Variants in INPP4B observed in about 807,000 individuals in gnomAD.
INPP4B encodes inositol polyphosphate 4-phosphatase type II.
Under a neutral mutation model 122.5 loss-of-function variants are expected in INPP4B, and 55 were observed. The observed-to-expected ratio is 0.45, with a 90% CI of 0.36 to 0.56. INPP4B has a LOEUF of 0.56. Among genes scored for constraint, INPP4B ranks in the 20% least tolerant of loss-of-function variants. INPP4B has a pLI of 0.00. For missense variants in INPP4B, 1,000 were observed against 1,097.7 expected (o/e 0.91, Z 1.26); for synonymous variants, 403 against 388.7 (o/e 1.04, Z -0.43).
chr4:142,450,472 T>C (rs1294966297), intron 3 of INPP4B, among the ~76,000 whole-genome samples: 1 of 152,140 alleles, frequency 6.6e-6, no homozygotes, highest in African/African-American at 2.4e-5. Flanking sequence ...TAAAATACCA[T>C]TGACTAGAAC....
At chr4:142,601,151 A>C (rs1453031907) in intron 2 of INPP4B, among the ~76,000 whole-genome samples, 1 of 152,178 alleles carries the variant, frequency 6.6e-6, no homozygotes, top group Non-Finnish European at 1.5e-5. Flanking sequence ...AGAAGAGAAA[A>C]TAAACAAAGA....
chr4:142,669,416 C>A (rs1756658329), intron 2 of INPP4B, among the ~76,000 whole-genome samples: 1 of 152,106 alleles, frequency 6.6e-6, no homozygotes, highest in African/African-American at 2.4e-5. Flanking sequence ...TTAAAATATG[C>A]TGCAAGCCTG....
intron 12 of INPP4B, among the ~76,000 whole-genome samples, chr4:142,221,138 G>A (rs1004612000): frequency 1.3e-5 from 2 of 152,076 alleles, no homozygotes; most frequent in Non-Finnish European, 2.9e-5. Flanking sequence ...GGTGGTTCAC[G>A]CCTGTAATCC....
chr4:142,691,473 C>T (rs538868573), intron 2 of INPP4B, among the ~76,000 whole-genome samples: 3 of 151,798 alleles, frequency 2.0e-5, no homozygotes, highest in South Asian at 2.1e-4. Flanking sequence ...CTATGATGTA[C>T]CTTTATAAAA....
At chr4:142,269,309 T>C (rs527538281) in intron 10 of INPP4B, among the ~76,000 whole-genome samples, 1 of 150,402 alleles carries the variant, frequency 6.6e-6, no homozygotes, top group Admixed American at 6.6e-5. Context: ...TCTTTTTTCC[T>C]CTCTTCTTCC....
At chr4:142,537,429 T>TATATATATATATAGAGAG (rs1200701380) in intron 2 of INPP4B, among the ~76,000 whole-genome samples, 33 of 25,472 alleles carry the variant, frequency 1.3e-3, no homozygotes, top group Non-Finnish European at 2.3e-3. Context: ...TATATATATA[T>TATATATATATATAGAGAG]AGAGAGAGAG....
At chr4:142,277,682 T>TACACACAC (rs3076592) in intron 9 of INPP4B, among the ~76,000 whole-genome samples, 1,756 of 147,152 alleles carry the variant, frequency 0.012, 36 homozygotes, top group African/African-American at 0.038. Context: ...CACACACACA[T>TACACACAC]ACACACACAC....
At chr4:142,369,753 C>T (rs1789096503) in intron 7 of INPP4B, among the ~76,000 whole-genome samples, 1 of 151,326 alleles carries the variant, frequency 6.6e-6, no homozygotes, top group African/African-American at 2.4e-5. Flanking sequence ...ATGGTGAAAC[C>T]CCGTCTGTAC....
intron 2 of INPP4B, among the ~76,000 whole-genome samples, chr4:142,706,426 G>T (rs1043869167): frequency 3.3e-5 from 5 of 152,106 alleles, no homozygotes; most frequent in Non-Finnish European, 7.3e-5. Flanking sequence ...CAATAAGTTC[G>T]GTTGCTTAAT....
intron 7 of INPP4B, among the ~76,000 whole-genome samples, chr4:142,399,189 CTTTTTTTTTTTTTTT>C (rs70949166): frequency 0.017 from 987 of 57,120 alleles, 21 homozygotes; most frequent in African/African-American, 0.065. Flanking sequence ...TTTCCTTTTG[CTTTTTTTTTTTTTTT>C]TTTTTTTTTT....
intron 2 of INPP4B, among the ~76,000 whole-genome samples, chr4:142,561,971 G>A (rs1303627465): frequency 6.6e-6 from 1 of 151,012 alleles, no homozygotes; most frequent in Non-Finnish European, 1.5e-5. Context: ...ATTTTTTTTT[G>A]TTCTCTTTTT....
chr4:142,712,575 C>A (rs747601100), intron 2 of INPP4B, among the ~76,000 whole-genome samples: 1 of 152,130 alleles, frequency 6.6e-6, no homozygotes, highest in South Asian at 2.1e-4. Context: ...AATAGCCCAC[C>A]ATTGTATATC....
intron 2 of INPP4B, among the ~76,000 whole-genome samples, chr4:142,618,061 A>G (rs1744086700): frequency 6.6e-6 from 1 of 152,160 alleles, no homozygotes; most frequent in Admixed American, 6.6e-5. Context: ...AGAAAGTTAG[A>G]TTTTATATAC....
intron 25 of INPP4B, among the ~76,000 whole-genome samples, chr4:142,042,000 T>A (rs1747909148): frequency 6.6e-6 from 1 of 152,138 alleles, no homozygotes; most frequent in South Asian, 2.1e-4. Flanking sequence ...CTTTCAGACA[T>A]CTGTATTAAA....
intron 25 of INPP4B, among the ~76,000 whole-genome samples, chr4:142,055,274 C>T (rs1221984159): frequency 6.6e-6 from 1 of 152,050 alleles, no homozygotes; most frequent in Non-Finnish European, 1.5e-5. Flanking sequence ...ATGATAATCA[C>T]TGATTTCTAA....
intron 2 of INPP4B, among the ~76,000 whole-genome samples, chr4:142,593,146 G>A (rs897294788): frequency 6.6e-6 from 1 of 151,760 alleles, no homozygotes; most frequent in African/African-American, 2.4e-5. Flanking sequence ...ATTATGAAAG[G>A]GAGGATTTTA....
At chr4:142,812,701 T>TA (rs900179491) in intron 1 of INPP4B, among the ~76,000 whole-genome samples, 19 of 151,942 alleles carry the variant, frequency 1.3e-4, no homozygotes, top group African/African-American at 3.9e-4. Flanking sequence ...TATAACAAGG[T>TA]AAAAAAAAGA....
intron 3 of INPP4B, 118 bp from the exon 4 acceptor site, chr4:142,431,503 C>G: frequency 2.0e-6 from 1 of 507,080 alleles, no homozygotes. Flanking sequence ...GCCTACTCCA[C>G]TCATACTTTC....
At chr4:142,723,868 C>T (rs1252561475) in intron 2 of INPP4B, among the ~76,000 whole-genome samples, 26 of 152,020 alleles carry the variant, frequency 1.7e-4, no homozygotes, top group Non-Finnish European at 1.0e-4. Context: ...TACGAGATTG[C>T]AAACACCCCC....
Sources: allele counts gnomAD v4.1 joint callset (sites outside exome capture counted in the v4.1 genomes callset), GRCh38; gene constraint gnomAD v4.1.1; transcripts MANE v1.5; gene names NCBI Gene and HGNC (gene_info 2026-07-23, HGNC 2026-07-21).